RABGAP1L: variants seen among roughly 807,000 people sequenced by gnomAD.
RABGAP1L encodes rab GTPase-activating protein 1-like.
In RABGAP1L, 63 loss-of-function variants were observed where a neutral mutation model predicts 137.7. The observed-to-expected ratio is 0.46, with a 90% confidence interval of 0.37 to 0.56. The LOEUF is 0.56. RABGAP1L is among the 20% of genes least tolerant of loss of function. The pLI is 0.00. For synonymous variants in RABGAP1L, 431 were observed against 433.7 expected (o/e 0.99, Z 0.08); for missense variants, 1,095 against 1,244.0 (o/e 0.88, Z 1.80).
At chr1:174,785,086 C>CA (rs764785144) in intron 18 of RABGAP1L, among the ~76,000 whole-genome samples, 1 of 152,074 alleles carries the variant, frequency 6.6e-6, no homozygotes, top group Non-Finnish European at 1.5e-5. Context: ...ATTTTTGAGA[C>CA]AGAGTTTCAC....
At chr1:174,645,180 A>G (rs1490141661) in intron 14 of RABGAP1L, among the ~76,000 whole-genome samples, 1 of 152,102 alleles carries the variant, frequency 6.6e-6, no homozygotes. Context: ...GTAAACCACA[A>G]ATATACACAA....
At chr1:174,663,534 CAT>C (rs917129785) in intron 14 of RABGAP1L, among the ~76,000 whole-genome samples, 3 of 152,150 alleles carry the variant, frequency 2.0e-5, no homozygotes, top group Non-Finnish European at 2.9e-5. Context: ...TGCCTAATGA[CAT>C]GTTTCTTAGA....
intron 13 of RABGAP1L, among the ~76,000 whole-genome samples, chr1:174,487,218 G>T (rs75942031): frequency 0.035 from 5,286 of 152,146 alleles, 123 homozygotes; most frequent in Middle Eastern, 0.088. Context: ...TGAAAGTGGG[G>T]TGTTGAAGTC....
chr1:174,756,467 A>AT (rs1397363433), intron 18 of RABGAP1L, among the ~76,000 whole-genome samples: 117 of 151,950 alleles, frequency 7.7e-4, no homozygotes, highest in African/African-American at 2.6e-3. Flanking sequence ...ATATATATAT[A>AT]TATTTTTTTT....
intron 11 of RABGAP1L, among the ~76,000 whole-genome samples, chr1:174,307,178 A>C (rs1678358011): frequency 6.6e-6 from 1 of 152,192 alleles, no homozygotes; most frequent in Non-Finnish European, 1.5e-5. Context: ...TAAAGTGACA[A>C]AGCTGAGATC....
intron 14 of RABGAP1L, among the ~76,000 whole-genome samples, chr1:174,682,404 G>C (rs2148477415): frequency 6.7e-6 from 1 of 149,320 alleles, no homozygotes; most frequent in Non-Finnish European, 1.5e-5. Flanking sequence ...GGACCATGAA[G>C]CCTATTTTTG....
chr1:174,351,445 C>G (rs1172579013), intron 11 of RABGAP1L, among the ~76,000 whole-genome samples: 2 of 152,180 alleles, frequency 1.3e-5, no homozygotes, highest in African/African-American at 4.8e-5. Context: ...ACTGAATATA[C>G]TATCCTAAGA....
chr1:174,250,424 G>A, intron 5 of RABGAP1L, 51 bp from the exon 6 acceptor site: 1 of 1,425,652 alleles, frequency 7.0e-7, no homozygotes, highest in Non-Finnish European at 9.6e-7. Context: ...AAGGATATCA[G>A]AATGCAATTA....
At chr1:174,955,393 A>G (rs1013356732) in intron 19 of RABGAP1L, among the ~76,000 whole-genome samples, 1 of 152,238 alleles carries the variant, frequency 6.6e-6, no homozygotes, top group African/African-American at 2.4e-5. Context: ...GTTCCTGGAT[A>G]AGAAGAACAA....
chr1:174,943,794 C>T (rs1334977391), intron 19 of RABGAP1L, among the ~76,000 whole-genome samples: 1 of 151,978 alleles, frequency 6.6e-6, no homozygotes, highest in Non-Finnish European at 1.5e-5. Context: ...GATCACGCCA[C>T]TGCACTCCAG....
chr1:174,252,641 C>T (rs1314573628), intron 7 of RABGAP1L, 51 bp downstream of exon 7: 1 of 1,585,604 alleles, frequency 6.3e-7, no homozygotes, highest in Non-Finnish European at 8.5e-7. Context: ...GACATTGTTA[C>T]TGTCTCAGAT....
chr1:174,177,074 T>TCAAAA (rs773439984), intron 1 of RABGAP1L, among the ~76,000 whole-genome samples: 51 of 152,294 alleles, frequency 3.3e-4, no homozygotes, highest in Middle Eastern at 3.4e-3. Context: ...AGACCCTCTC[T>TCAAAA]CAAAACAAAA....
intron 13 of RABGAP1L, among the ~76,000 whole-genome samples, chr1:174,551,603 A>C (rs1485519530): frequency 6.6e-6 from 1 of 152,146 alleles, no homozygotes; most frequent in Non-Finnish European, 1.5e-5. Flanking sequence ...TTTCTCAAGG[A>C]ACTACTAAGT....
intron 14 of RABGAP1L, among the ~76,000 whole-genome samples, chr1:174,644,595 G>A (rs892753475): frequency 2.6e-5 from 4 of 151,566 alleles, no homozygotes; most frequent in Non-Finnish European, 4.4e-5. Context: ...CAAATAAAAT[G>A]CTCTTTATGG....
At chr1:174,589,360 T>G (rs2148121890) in intron 13 of RABGAP1L, among the ~76,000 whole-genome samples, 1 of 152,360 alleles carries the variant, frequency 6.6e-6, no homozygotes, top group African/African-American at 2.4e-5. Context: ...TCATCATTTG[T>G]CAGATGAAGT....
chr1:174,306,189 A>G (rs1023317005), intron 11 of RABGAP1L, among the ~76,000 whole-genome samples: 1 of 152,168 alleles, frequency 6.6e-6, no homozygotes, highest in East Asian at 1.9e-4. Context: ...GTTGGTTCCA[A>G]GTCTTTGCTA....
intron 19 of RABGAP1L, among the ~76,000 whole-genome samples, chr1:174,831,664 A>G (rs778722376): frequency 2.0e-5 from 3 of 148,514 alleles, no homozygotes; most frequent in South Asian, 2.2e-4. Context: ...TATGGATAAT[A>G]TATTTAGACT....
intron 14 of RABGAP1L, among the ~76,000 whole-genome samples, chr1:174,656,399 A>G (rs1484660029): frequency 6.6e-6 from 1 of 152,202 alleles, no homozygotes; most frequent in Non-Finnish European, 1.5e-5. Flanking sequence ...CAGAGGTTGC[A>G]GAGAGCCGAG....
At chr1:174,341,660 A>G (rs1024925501) in intron 11 of RABGAP1L, among the ~76,000 whole-genome samples, 3 of 152,208 alleles carry the variant, frequency 2.0e-5, no homozygotes, top group African/African-American at 7.2e-5. Context: ...AATTCATAGA[A>G]TAATTGGGAA....
Sources: gnomAD v4.1 joint callset for allele counts (sites outside exome capture counted in the v4.1 genomes callset) on GRCh38, gnomAD v4.1.1 for gene constraint, MANE v1.5 for transcripts, NCBI Gene and HGNC (gene_info 2026-07-23, HGNC 2026-07-21) for gene names.